ZNF574: variants seen among roughly 807,000 people sequenced by gnomAD.
ZNF574 encodes the protein zinc finger protein 574.
A neutral mutation model predicts 56.6 loss-of-function variants in ZNF574; 25 were observed. The observed-to-expected ratio is 0.44, with a 90% CI of 0.32 to 0.62. The LOEUF (loss-of-function observed/expected upper bound fraction) is 0.62. Among genes scored for constraint, ZNF574 ranks in the 20% least tolerant of loss-of-function variants. The pLI, the probability that ZNF574 is intolerant of heterozygous loss-of-function variation, is 0.04. For missense variants in ZNF574, 1,065 were observed against 1,218.9 expected (o/e 0.87, Z 1.88); for synonymous variants, 543 against 492.1 (o/e 1.10, Z -1.37).
In ZNF574 at chr19:42,079,408, C is replaced by T; in HGVS notation, c.802C>T (p.Pro268Ser). The T allele has an allele frequency of 6.2e-7, 1 of 1,613,682 alleles. No homozygotes were observed. Among genetic ancestry groups the T allele is most frequent in the Non-Finnish European group, 8.5e-7 (1 of 1,180,030 alleles). The change falls in exon 2 of 2, where the codon CCC becomes TCC. Residue 268 changes from proline to serine, a missense_variant. Coordinates refer to ENST00000359044, the MANE Select transcript of ZNF574 (RefSeq NM_022752.6). The surrounding 1 kb of genome is among the most constrained non-coding windows in gnomAD (Gnocchi z 4.3). ...AGAGGTGCCTGTGTCTCAGCCTGAC[C>T]CCTTGCCAGCTTCTGACCACAGTTA... ...PAEVPVSQPD[P>S]LPASDHSYEL... is the part of the protein sequence containing the mutation.
At position 42,081,438 on chromosome 19, in the gene ZNF574, C is replaced by T. The variant is rs761126756; in HGVS notation, c.*141C>T. ...AAGTTCTAAATTGGATTTATTCTCT[C>T]GTGAGGGGGGTGCTCTGGGGTCCTT... On this transcript the variant is annotated 3_prime_UTR_variant, in exon 2 of 2. Transcript: ENST00000359044. 1.7e-5 allele frequency: 20 copies of T among 1,171,668 alleles called. 1 individual carries two copies. The highest frequency in any genetic ancestry group is 4.0e-5 in the South Asian group (3 of 74,126). 72.6% of individuals were successfully genotyped at this position (1,171,668 alleles called of 1,614,324 possible).
rs769263740 is a variant in ZNF574, at chr19:42,080,828, G to A, written c.2222G>A (p.Ser741Asn). 106 of 1,613,958 alleles carry A rather than the reference G, an allele frequency of 6.6e-5. No individual in the cohort carries two copies. Among genetic ancestry groups the A allele is most frequent in the Non-Finnish European group, 8.2e-5 (97 of 1,180,040 alleles). Residue 741 changes from serine to asparagine, a missense_variant, in exon 2 of 2, where the codon AGC (serine) becomes AAC (asparagine). Coordinates refer to ENST00000359044, the MANE Select transcript of ZNF574 (RefSeq NM_022752.6). The surrounding 1 kb of genome is among the most constrained non-coding windows in gnomAD (Gnocchi z 8.5). The stretch of plus-strand genomic sequence containing the variant: ...GCCCGCCGCCGGGGTCTAGAGTGCA[G>A]CGAGTGCAAGAAGCTGTTCAGCACA... ...APARRRGLECSECKKLFSTET... is the reference protein window; with the variant it reads ...APARRRGLECNECKKLFSTET...
Position 42,078,800 on chromosome 19 carries a change from G to C in ZNF574, c.194G>C (p.Gly65Ala), listed in dbSNP as rs1252698666. The change falls in exon 2 of 2, where the codon GGC becomes GCC. Residue 65 changes from glycine to alanine, a missense_variant. Coordinates refer to ENST00000359044, the MANE Select transcript of ZNF574 (RefSeq NM_022752.6). Reference protein sequence around the residue: ...TVATDTASGTGLYQTLVQESQ... With the variant: ...TVATDTASGTALYQTLVQESQ... ...GCCACAGACACAGCTTCAGGCACGGGCCTCTATCAGACCCTTGTGCAGGAG... is the reference window on the plus strand; with the variant it reads ...GCCACAGACACAGCTTCAGGCACGGCCCTCTATCAGACCCTTGTGCAGGAG... 1.2e-6 allele frequency: 2 copies of C among 1,613,986 alleles called. No individual in the cohort carries two copies. The highest frequency in any genetic ancestry group is 1.7e-6 in the Non-Finnish European group (2 of 1,179,996).
intron 1 of ZNF574, among the ~76,000 whole-genome samples, chr19:42,077,695 AC>A (rs774965685): frequency 3.3e-5 from 5 of 152,060 alleles, no homozygotes; most frequent in Non-Finnish European, 7.4e-5. Flanking sequence ...GTGGATAGAT[AC>A]CCTGGAGACA....
At chr19:42,070,363 G>C (rs2146204386) in intron 1 of ZNF574, 1 of 153,368 alleles carries the variant, frequency 6.5e-6, no homozygotes, top group South Asian at 2.1e-4. Context: ...CGAGGAGAAT[G>C]CTGATGAGAA....
chr19:42,068,705 C>G (rs2146198970), exon 1 of ZNF574: 3 of 484,950 alleles, frequency 6.2e-6, no homozygotes, highest in Non-Finnish European at 7.4e-6. Context: ...GGGATCTAAA[C>G]AGAGACATGC....
Position 42,078,940 on chromosome 19 carries a change from C to T in ZNF574, c.334C>T (p.Pro112Ser), listed in dbSNP as rs2076474431. The change falls in exon 2 of 2, where the codon CCA becomes TCA. Residue 112 changes from proline to serine, a missense_variant. Coordinates refer to ENST00000359044, the MANE Select transcript of ZNF574 (RefSeq NM_022752.6). ...MAPQEAVPAE[P>S]SPKAPPLSSS... ...ACCCCAGGAGGCAGTGCCAGCTGAG[C>T]CATCACCTAAGGCACCACCCCTGAG... 1 of 1,614,062 alleles carries T rather than the reference C, an allele frequency of 6.2e-7. No individual in the cohort carries two copies.
At chr19:42,069,005 C>A in intron 1 of ZNF574, 1 of 518,962 alleles carries the variant, frequency 1.9e-6, no homozygotes, top group South Asian at 2.6e-5. Context: ...CGTAGGACCC[C>A]AGAAAGCTAG....
At position 42,081,263 on chromosome 19, in the gene ZNF574, TGGCCGA is replaced by T; in HGVS notation, c.2661_2666del (p.Ala889_Glu890del). On this transcript the variant is annotated inframe_deletion, in exon 2 of 2. Transcript: ENST00000359044. ...GTGGAAGCCATTGAGATCTACCCTCTGGCCGAGGCTGAGGGGGTCCAGATCAGTGGC... is the reference window on the plus strand; with the variant it reads ...GTGGAAGCCATTGAGATCTACCCTCTGGCTGAGGGGGTCCAGATCAGTGGC... 6.2e-7 allele frequency: 1 copy of T among 1,614,116 alleles called. No individual in the cohort carries two copies. The highest frequency in any genetic ancestry group is 8.5e-7 in the Non-Finnish European group (1 of 1,180,028).
At chr19:42,075,490 CCT>C (rs2076448989), upstream of ZNF574, among the ~76,000 whole-genome samples, 1 of 152,190 alleles carries the variant, frequency 6.6e-6, no homozygotes, top group African/African-American at 2.4e-5. Context: ...TGACATTTCT[CCT>C]CTCTCCACCT....
chr19:42,073,351 A>G (rs1483770000), upstream of ZNF574, among the ~76,000 whole-genome samples: 1 of 152,272 alleles, frequency 6.6e-6, no homozygotes, highest in East Asian at 1.9e-4. Flanking sequence ...TACACTCAAG[A>G]GATGTTAGTT....
chr19:42,074,486 AAAATAAAATAAAATAAAAAT>A (rs2076443852), upstream of ZNF574, among the ~76,000 whole-genome samples: 1 of 148,370 alleles, frequency 6.7e-6, no homozygotes, highest in Admixed American at 6.7e-5. Context: ...AAAATAAAAT[AAAATAAAATAAAATAAAAAT>A]AAAATGAGTA....
At chr19:42,078,362 G>C (rs1045224360) in intron 1 of ZNF574, among the ~76,000 whole-genome samples, 6 of 152,144 alleles carry the variant, frequency 3.9e-5, no homozygotes, top group Non-Finnish European at 8.8e-5. Flanking sequence ...ATACAGAGGT[G>C]AGACTGTGGG....
chr19:42,080,089 C>T lies in ZNF574; in HGVS notation c.1483C>T (p.His495Tyr). 6.2e-7 allele frequency: 1 copy of T among 1,614,136 alleles called. No homozygotes were observed. The highest frequency in any genetic ancestry group is 8.5e-7 in the Non-Finnish European group (1 of 1,180,038). ...TTTTGTGCATCGGCTGGAGCGGCGC[C>T]ATAAATGCAGCATTTGTGGCAAGAT... ...QRFVHRLERR[H>Y]KCSICGKMFK... The change falls in exon 2 of 2, where the codon CAT (histidine) becomes TAT (tyrosine). Residue 495 changes from histidine (H) to tyrosine (Y), a missense_variant. His to Tyr is a moderately conservative substitution (Grantham distance 83, BLOSUM62 2). Coordinates refer to ENST00000359044, the MANE Select transcript of ZNF574 (RefSeq NM_022752.6). The surrounding 1 kb of genome is among the most constrained non-coding windows in gnomAD (Gnocchi z 8.5).
rs764398065 is a variant in ZNF574, at chr19:42,081,330, C to A, written c.*33C>A. The A allele has an allele frequency of 6.2e-7, 1 of 1,613,784 alleles. No individual in the cohort carries two copies. Among genetic ancestry groups the A allele is most frequent in the Non-Finnish European group, 8.5e-7 (1 of 1,179,822 alleles). On this transcript the variant is annotated 3_prime_UTR_variant, in exon 2 of 2. Coordinates refer to ENST00000359044, the MANE Select transcript of ZNF574 (RefSeq NM_022752.6). Reference sequence around the variant, plus strand: ...CGACTTCCTCTTTGGCACCTCCATTCCCTGTTGCTGAAGGCCCTCCAGCAT... The same window carrying A: ...CGACTTCCTCTTTGGCACCTCCATTACCTGTTGCTGAAGGCCCTCCAGCAT...
Position 42,081,285 on chromosome 19 carries a change from G to T in ZNF574, c.2679G>T (p.Gln893His), listed in dbSNP as rs1235860280. 1.9e-6 allele frequency: 3 copies of T among 1,614,158 alleles called. No individual in the cohort carries two copies. The South Asian group carries it at 3.3e-5, about 18-fold the overall frequency. The change falls in exon 2 of 2, where the codon CAG becomes CAT. Residue 893 changes from glutamine (Q) to histidine (H), a missense_variant. Transcript: ENST00000359044. The part of the protein sequence containing the change: ...IYPLAEAEGV[Q>H]ISG Reference sequence around the variant, plus strand: ...CTCTGGCCGAGGCTGAGGGGGTCCAGATCAGTGGCTGACTCTGCCCGACTT... The same window carrying T: ...CTCTGGCCGAGGCTGAGGGGGTCCATATCAGTGGCTGACTCTGCCCGACTT...
chr19:42,079,700 T>C lies in ZNF574; in HGVS notation c.1094T>C (p.Leu365Pro). Residue 365 changes from leucine to proline, a missense_variant, in exon 2 of 2, where the codon CTG (leucine) becomes CCG (proline). Coordinates refer to ENST00000359044, the MANE Select transcript of ZNF574 (RefSeq NM_022752.6). This position sits in a 1 kb window ranked among gnomAD's most constrained non-coding sequence, Gnocchi z 4.3. Reference protein sequence around the residue: ...LGDHSSESHFLCVDCGLAFGT... With the variant: ...LGDHSSESHFPCVDCGLAFGT... ...GACCATAGCAGCGAGTCACACTTCC[T>C]GTGTGTAGACTGTGGCCTGGCCTTC... is the stretch of plus-strand genomic sequence containing the variant. 1 of 1,614,156 alleles carries C rather than the reference T, an allele frequency of 6.2e-7. No homozygotes were observed. Among genetic ancestry groups the C allele is most frequent in the Non-Finnish European group, 8.5e-7 (1 of 1,180,038 alleles).
Position 42,081,082 on chromosome 19 carries a change from G to C in ZNF574, c.2476G>C (p.Asp826His). 6.2e-7 allele frequency: 1 copy of C among 1,614,158 alleles called. No individual in the cohort carries two copies. Among genetic ancestry groups the C allele is most frequent in the Non-Finnish European group, 8.5e-7 (1 of 1,180,030 alleles). The change falls in exon 2 of 2, where the codon GAC (aspartate) becomes CAC (histidine). Residue 826 changes from aspartate (D) to histidine (H), a missense_variant. Physicochemically the swap from Asp to His is moderately conservative, Grantham distance 81. Transcript: ENST00000359044. ...AGGCGAACGACCCTACTCCTGCCCT[G>C]ACTGTGGCAAGAGCTACCGCTCCTT... Reference protein sequence around the residue: ...HTGERPYSCPDCGKSYRSFSN... With the variant: ...HTGERPYSCPHCGKSYRSFSN...
At chr19:42,070,135 C>A (rs1003141938) in intron 1 of ZNF574, among the ~76,000 whole-genome samples, 2 of 152,102 alleles carry the variant, frequency 1.3e-5, no homozygotes, top group African/African-American at 4.8e-5. Flanking sequence ...GCTGCCGCCA[C>A]CGCTCAGTCT....
Sources: gnomAD v4.1 joint callset for allele counts (sites outside exome capture counted in the v4.1 genomes callset) on GRCh38, gnomAD v4.1.1 for gene constraint, Gnocchi (gnomAD v3.1) non-coding constraint, MANE v1.5 for transcripts, NCBI Gene and HGNC (gene_info 2026-07-23, HGNC 2026-07-21) for gene names.